MEMO1: variants seen among roughly 807,000 people sequenced by gnomAD.
MEMO1 encodes mediator of cell motility 1, also known as protein MEMO1.
Under a neutral mutation model 45.2 loss-of-function variants are expected in MEMO1, and 6 were observed. That is an observed-to-expected ratio of 0.13 (90% CI 0.07 to 0.26). The LOEUF (loss-of-function observed/expected upper bound fraction) is 0.26. Among genes scored for constraint, MEMO1 ranks in the 10% least tolerant of loss-of-function variants. The pLI, the probability that MEMO1 is intolerant of heterozygous loss-of-function variation, is 1.00. For missense variants in MEMO1, 184 were observed against 370.5 expected (o/e 0.50, Z 4.13); for synonymous variants, 78 against 124.3 (o/e 0.63, Z 2.48).
At chr2:31,988,633 C>A (rs1222626538) in intron 2 of MEMO1, among the ~76,000 whole-genome samples, 1 of 152,240 alleles carries the variant, frequency 6.6e-6, no homozygotes, top group East Asian at 1.9e-4. Flanking sequence ...GTAGTAGTCA[C>A]TACATTCTTC....
intron 2 of MEMO1, among the ~76,000 whole-genome samples, chr2:31,950,398 A>C (rs1348855140): frequency 6.6e-6 from 1 of 151,222 alleles, no homozygotes; most frequent in Non-Finnish European, 1.5e-5. Flanking sequence ...AAACAAAAAA[A>C]AACCTATTAA....
intron 8 of MEMO1, among the ~76,000 whole-genome samples, chr2:31,883,111 G>A (rs1323687956): frequency 2.0e-5 from 3 of 152,042 alleles, no homozygotes; most frequent in African/African-American, 7.2e-5. Flanking sequence ...GTATCTTACT[G>A]TTCCTAAAGC....
rs751315744 is a variant in MEMO1, at chr2:31,920,800, T to C, written c.323A>G (p.Lys108Arg). 6.5e-7 allele frequency: 1 copy of C among 1,550,328 alleles called. No homozygotes were observed. Among genetic ancestry groups the C allele is most frequent in the South Asian group, 1.2e-5 (1 of 83,288 alleles). Residue 108 changes from lysine (K) to arginine (R), a missense_variant and splice_region_variant, in exon 5 of 10, where the codon AAG becomes AGG. Lys to Arg is a conservative substitution (Grantham distance 26, BLOSUM62 2). Coordinates refer to ENST00000404530, the MANE Select transcript of MEMO1 (RefSeq NM_001301833.4). ...CTATAATATTTCTATATACTTACTC[T>C]TTTGGTCAATACGAAGGTCATACAG... ...TPLYDLRIDQ[K>R]IYGELWKTGM...
chr2:31,974,353 G>T (rs1455445843), intron 2 of MEMO1, among the ~76,000 whole-genome samples: 1 of 152,134 alleles, frequency 6.6e-6, no homozygotes, highest in Non-Finnish European at 1.5e-5. Flanking sequence ...ACTTATTTAA[G>T]AAAACCAAGG....
chr2:31,965,238 G>A (rs368140587), intron 2 of MEMO1, among the ~76,000 whole-genome samples: 7 of 149,718 alleles, frequency 4.7e-5, no homozygotes, highest in Non-Finnish European at 4.4e-5. Context: ...GGAAAGGAAG[G>A]GAAGAAAGGG....
chr2:31,952,588 C>T (rs1253742520), intron 2 of MEMO1, among the ~76,000 whole-genome samples: 2 of 152,194 alleles, frequency 1.3e-5, no homozygotes, highest in African/African-American at 4.8e-5. Flanking sequence ...TCTCTTCCCA[C>T]CCCTATTCAC....
intron 4 of MEMO1, among the ~76,000 whole-genome samples, chr2:31,931,376 CT>C (rs762421600): frequency 6.6e-6 from 1 of 152,126 alleles, no homozygotes; most frequent in Non-Finnish European, 1.5e-5. Context: ...AAGATGATCG[CT>C]TTACCTATTC....
chr2:31,870,761 A>G lies in MEMO1; in HGVS notation c.658-809T>C, dbSNP rs796701502. Among the ~76,000 whole-genome samples the G allele has an allele frequency of 2.7e-4, 41 of 152,244 alleles. 1 individual carries two copies. In the South Asian group the frequency reaches 7.7e-3, roughly 29 times the overall value. On this transcript the variant is annotated intron_variant, in intron 8 of 9. Coordinates refer to ENST00000404530, the MANE Select transcript of MEMO1 (RefSeq NM_001301833.4). Reference sequence around the variant, plus strand: ...CCTAGCTAATTTTTGTATTTTTAGTAGAGACCAGGTTTCACCATGTTGGCC... The same window carrying G: ...CCTAGCTAATTTTTGTATTTTTAGTGGAGACCAGGTTTCACCATGTTGGCC...
At chr2:31,972,591 G>A (rs1329654325) in intron 2 of MEMO1, among the ~76,000 whole-genome samples, 1 of 151,926 alleles carries the variant, frequency 6.6e-6, no homozygotes, top group Non-Finnish European at 1.5e-5. Context: ...TGCACCTGTA[G>A]TCCCAGCTAC....
rs1449311948 is a variant in MEMO1 at position 31,923,830 on chromosome 2, A to C, written c.213-2920T>G. ...CCTAAGTAAGTGTAATAAGGTTCTA[A>C]CAATAGCCAAAAGATACACTGCTCC... is the stretch of plus-strand genomic sequence containing the variant. On this transcript the variant is annotated intron_variant, in intron 4 of 9. Transcript: ENST00000404530. 19 of 1,353,794 alleles carry C rather than the reference A, an allele frequency of 1.4e-5. No homozygotes were observed. In the South Asian group the frequency reaches 2.9e-4, roughly 21 times the overall value. The allele number at this position is 1,353,794 out of a possible 1,614,324, so 83.9% of individuals were successfully genotyped here.
chr2:31,945,089 T>C (rs761819463), intron 2 of MEMO1, among the ~76,000 whole-genome samples: 5 of 152,194 alleles, frequency 3.3e-5, no homozygotes, highest in Non-Finnish European at 5.9e-5. Context: ...CAATAAACAA[T>C]AAGTGGTATT....
chr2:31,897,188 C>G (rs1042566872), intron 6 of MEMO1, among the ~76,000 whole-genome samples: 1 of 151,932 alleles, frequency 6.6e-6, no homozygotes, highest in African/African-American at 2.4e-5. Context: ...TTGACTTCCT[C>G]TCTTCCTATT....
chr2:31,988,052 A>C (rs982878444), intron 2 of MEMO1, among the ~76,000 whole-genome samples: 2 of 152,160 alleles, frequency 1.3e-5, no homozygotes, highest in Non-Finnish European at 2.9e-5. Flanking sequence ...AGAGAGATTA[A>C]GATTGATAAC....
chr2:31,917,740 G>A lies in MEMO1; in HGVS notation c.437+186C>T, dbSNP rs966658830. Among the ~76,000 whole-genome samples, 18 of 152,110 alleles carry A rather than the reference G, an allele frequency of 1.2e-4. 1 individual carries two copies. Among genetic ancestry groups the A allele is most frequent in the East Asian group, 1.2e-3 (6 of 5,206 alleles). On this transcript the variant is annotated intron_variant, in intron 6 of 9. Transcript: ENST00000404530. ...CCTAATAAAACCATCATGTCAATTC[G>A]TATGTTCAGCCTTCATAGGCAAACT...
At chr2:31,970,630 GA>G (rs1669273943) in intron 2 of MEMO1, among the ~76,000 whole-genome samples, 1 of 148,380 alleles carries the variant, frequency 6.7e-6, no homozygotes, top group African/African-American at 2.5e-5. Flanking sequence ...CCACCAGGAT[GA>G]AGCAAAAAAA....
intron 4 of MEMO1, among the ~76,000 whole-genome samples, chr2:31,923,927 CT>C (rs2148195582): frequency 6.6e-6 from 1 of 152,206 alleles, no homozygotes; most frequent in East Asian, 1.9e-4. Context: ...CCTTGTTTGC[CT>C]TTTTGTCTGC....
chr2:31,998,920 C>G (rs1036860461), intron 2 of MEMO1, among the ~76,000 whole-genome samples: 7 of 152,168 alleles, frequency 4.6e-5, no homozygotes, highest in African/African-American at 1.2e-4. Context: ...GTGAACATCT[C>G]AAACTTAAAA....
chr2:31,948,840 T>G (rs1049172869), intron 2 of MEMO1, among the ~76,000 whole-genome samples: 1 of 152,136 alleles, frequency 6.6e-6, no homozygotes, highest in Non-Finnish European at 1.5e-5. Flanking sequence ...TTAAACTGAA[T>G]AAATTAACCA....
intron 2 of MEMO1, among the ~76,000 whole-genome samples, chr2:31,988,364 T>C (rs542664326): frequency 3.9e-5 from 6 of 151,926 alleles, no homozygotes; most frequent in African/African-American, 1.4e-4. Flanking sequence ...CTCGCCAACA[T>C]GGTAAAACCC....
Sources: gnomAD v4.1 joint callset for allele counts (sites outside exome capture counted in the v4.1 genomes callset) on GRCh38, gnomAD v4.1.1 for gene constraint, MANE v1.5 for transcripts, NCBI Gene and HGNC (gene_info 2026-07-23, HGNC 2026-07-21) for gene names.